PTPRD: variants seen among roughly 807,000 people sequenced by gnomAD.
The protein encoded by PTPRD is receptor-type tyrosine-protein phosphatase delta.
In PTPRD, 34 loss-of-function variants were observed where a neutral mutation model predicts 214.5. That is an observed-to-expected ratio of 0.16 (90% CI 0.12 to 0.21). The LOEUF (loss-of-function observed/expected upper bound fraction) is 0.21, where lower values mean the gene tolerates loss of function less well. Ranked by LOEUF, PTPRD falls within the 10% of genes least tolerant of loss-of-function variation. PTPRD has a pLI of 1.00. For synonymous variants in PTPRD, 1,128 were observed against 845.7 expected (o/e 1.33, Z -5.79); for missense variants, 2,545 against 2,398.7 (o/e 1.06, Z -1.27).
At chr9:9,049,152 G>A (rs1190956935) in intron 10 of PTPRD, among the ~76,000 whole-genome samples, 1 of 152,138 alleles carries the variant, frequency 6.6e-6, no homozygotes. Context: ...AAAACCTAAG[G>A]TCTAGCAGAC....
intron 12 of PTPRD, among the ~76,000 whole-genome samples, chr9:8,647,159 T>C (rs1596004598): frequency 1.3e-5 from 2 of 152,324 alleles, no homozygotes; most frequent in Non-Finnish European, 1.5e-5. Flanking sequence ...AAGCATAATA[T>C]AACGTGATGA....
chr9:9,655,934 C>T (rs1403680114), intron 7 of PTPRD, among the ~76,000 whole-genome samples: 1 of 152,048 alleles, frequency 6.6e-6, no homozygotes, highest in East Asian at 1.9e-4. Flanking sequence ...ACCGAGATTG[C>T]ACCATCGCTC....
chr9:8,338,143 C>T (rs1344633036), intron 43 of PTPRD, among the ~76,000 whole-genome samples: 1 of 152,038 alleles, frequency 6.6e-6, no homozygotes, highest in Non-Finnish European at 1.5e-5. Context: ...AATAGCTTTA[C>T]CCTGGAGTTT....
intron 10 of PTPRD, among the ~76,000 whole-genome samples, chr9:9,167,825 C>A (rs2099907183): frequency 6.6e-6 from 1 of 151,956 alleles, no homozygotes; most frequent in African/African-American, 2.4e-5. Context: ...AATTTTTATC[C>A]TGAATTTTAA....
chr9:8,677,154 C>G (rs956131318), intron 12 of PTPRD, among the ~76,000 whole-genome samples: 3 of 152,124 alleles, frequency 2.0e-5, no homozygotes, highest in Admixed American at 2.0e-4. Flanking sequence ...TCAGGTTCCA[C>G]TTAATAATTT....
intron 7 of PTPRD, among the ~76,000 whole-genome samples, chr9:9,577,256 A>G (rs2154307339): frequency 6.6e-6 from 1 of 152,274 alleles, no homozygotes; most frequent in South Asian, 2.1e-4. Flanking sequence ...GACTCAGGCA[A>G]ATATACATTT....
intron 2 of PTPRD, among the ~76,000 whole-genome samples, chr9:10,519,158 T>C (rs1171257749): frequency 7.0e-6 from 1 of 142,844 alleles, no homozygotes; most frequent in Non-Finnish European, 1.5e-5. Flanking sequence ...AAAATGGCAA[T>C]GTAAAAATAT....
chr9:8,931,196 C>T (rs2098950013), intron 11 of PTPRD, among the ~76,000 whole-genome samples: 2 of 151,842 alleles, frequency 1.3e-5, no homozygotes, highest in African/African-American at 4.8e-5. Flanking sequence ...CCAGTTTTCC[C>T]AGCACCATTT....
intron 5 of PTPRD, among the ~76,000 whole-genome samples, chr9:9,827,238 A>G (rs1022771896): frequency 7.2e-5 from 11 of 151,924 alleles, no homozygotes; most frequent in African/African-American, 2.7e-4. Context: ...GAGGCATCAC[A>G]CTACCTGACC....
intron 4 of PTPRD, among the ~76,000 whole-genome samples, chr9:10,016,976 G>C (rs1004304735): frequency 6.6e-6 from 1 of 152,114 alleles, no homozygotes; most frequent in Non-Finnish European, 1.5e-5. Context: ...TTGTACATTT[G>C]TAAGCATTTC....
At chr9:9,366,364 T>C (rs767813726) in intron 9 of PTPRD, among the ~76,000 whole-genome samples, 32 of 151,526 alleles carry the variant, frequency 2.1e-4, no homozygotes, top group Non-Finnish European at 3.7e-4. Flanking sequence ...CACTGACCTA[T>C]CTATTCTTGA....
chr9:9,194,396 T>C (rs546223618), intron 9 of PTPRD, among the ~76,000 whole-genome samples: 2 of 152,204 alleles, frequency 1.3e-5, no homozygotes, highest in African/African-American at 4.8e-5. Context: ...TTATGTACTG[T>C]ACATAATTTT....
chr9:10,051,899 C>A (rs148475551), intron 3 of PTPRD, among the ~76,000 whole-genome samples: 1 of 152,046 alleles, frequency 6.6e-6, no homozygotes, highest in African/African-American at 2.4e-5. Context: ...TAAAAATATA[C>A]CACAGCAACC....
intron 34 of PTPRD, among the ~76,000 whole-genome samples, chr9:8,437,793 A>C (rs1375848962): frequency 6.6e-6 from 1 of 152,152 alleles, no homozygotes; most frequent in Non-Finnish European, 1.5e-5. Flanking sequence ...GGGGTGACAC[A>C]TTCTAGTTCA....
At chr9:8,506,252 T>A (rs2097541030) in intron 22 of PTPRD, among the ~76,000 whole-genome samples, 1 of 152,224 alleles carries the variant, frequency 6.6e-6, no homozygotes, top group African/African-American at 2.4e-5. Context: ...TGAAGATTTT[T>A]TTTTCAGATA....
At chr9:8,330,633 GC>G in intron 44 of PTPRD, among the ~76,000 whole-genome samples, 1 of 152,116 alleles carries the variant, frequency 6.6e-6, no homozygotes, top group Non-Finnish European at 1.5e-5. Context: ...AACAAAGGAT[GC>G]TAGAAGGGAC....
At chr9:9,914,331 C>G (rs2080062606) in intron 5 of PTPRD, among the ~76,000 whole-genome samples, 1 of 152,170 alleles carries the variant, frequency 6.6e-6, no homozygotes, top group South Asian at 2.1e-4. Flanking sequence ...AAAGGCTTCC[C>G]CTAGTGGGCA....
intron 3 of PTPRD, among the ~76,000 whole-genome samples, chr9:10,150,608 T>C (rs1043516890): frequency 2.7e-5 from 4 of 150,556 alleles, no homozygotes; most frequent in African/African-American, 9.8e-5. Context: ...TGTATACATA[T>C]GTAACAAACC....
intron 14 of PTPRD, among the ~76,000 whole-genome samples, chr9:8,584,116 T>C (rs1433188832): frequency 6.6e-6 from 1 of 152,204 alleles, no homozygotes; most frequent in Non-Finnish European, 1.5e-5. Flanking sequence ...ATTGTGCCAC[T>C]GCATTCCAGC....
Sources: gnomAD v4.1 joint callset for allele counts (sites outside exome capture counted in the v4.1 genomes callset) on GRCh38, gnomAD v4.1.1 for gene constraint, MANE v1.5 for transcripts, NCBI Gene and HGNC (gene_info 2026-07-23, HGNC 2026-07-21) for gene names.